Variants in SLIT3 observed in about 807,000 individuals in gnomAD.
The protein encoded by SLIT3 is slit guidance ligand 3, also known as slit homolog 3 protein.
SLIT3 carries 68 observed loss-of-function variants against 184.0 expected under a neutral mutation model. The observed-to-expected ratio is 0.37, with a 90% CI of 0.30 to 0.45. SLIT3 has a LOEUF of 0.45. Among genes scored for constraint, SLIT3 ranks in the 20% least tolerant of loss-of-function variants. The pLI is 1.00. For missense variants in SLIT3, 1,707 were observed against 2,026.0 expected (o/e 0.84, Z 3.02); for synonymous variants, 831 against 828.6 (o/e 1.00, Z -0.05).
chr5:169,163,307 C>G (rs1365619160), intron 4 of SLIT3, among the ~76,000 whole-genome samples: 1 of 151,418 alleles, frequency 6.6e-6, no homozygotes, highest in Non-Finnish European at 1.5e-5. Flanking sequence ...GGCCACCGTG[C>G]GAGGAAAAAA....
intron 1 of SLIT3, among the ~76,000 whole-genome samples, chr5:169,253,175 C>T (rs1765835013): frequency 6.6e-6 from 1 of 152,016 alleles, no homozygotes; most frequent in Admixed American, 6.6e-5. Context: ...AATCTGTACA[C>T]ACTCCAAAGC....
chr5:168,834,612 G>T (rs1393608679), intron 6 of SLIT3, among the ~76,000 whole-genome samples: 1 of 149,078 alleles, frequency 6.7e-6, no homozygotes, highest in African/African-American at 2.5e-5. Context: ...AGGTGAGCCT[G>T]GGAGGTGGAG....
At chr5:169,198,672 G>A (rs1255050502) in intron 3 of SLIT3, among the ~76,000 whole-genome samples, 1 of 152,148 alleles carries the variant, frequency 6.6e-6, no homozygotes, top group Non-Finnish European at 1.5e-5. Context: ...GGTGGCTCAT[G>A]CCTGTAATCC....
chr5:169,247,447 A>G (rs1437048902), intron 2 of SLIT3, among the ~76,000 whole-genome samples: 2 of 152,056 alleles, frequency 1.3e-5, no homozygotes, highest in Non-Finnish European at 2.9e-5. Flanking sequence ...ACAAGGACCA[A>G]CTCTAGGGTA....
At chr5:169,178,923 G>T (rs1395830947) in intron 4 of SLIT3, among the ~76,000 whole-genome samples, 1 of 152,110 alleles carries the variant, frequency 6.6e-6, no homozygotes, top group Non-Finnish European at 1.5e-5. Context: ...CACATTCTTC[G>T]GTGCAATGTG....
intron 4 of SLIT3, among the ~76,000 whole-genome samples, chr5:169,077,616 A>G (rs1044305457): frequency 7.2e-5 from 11 of 152,336 alleles, no homozygotes; most frequent in Admixed American, 4.6e-4. Context: ...GTTATCAGTA[A>G]GGCTTCTGAT....
intron 5 of SLIT3, among the ~76,000 whole-genome samples, chr5:168,880,934 C>A (rs577431353): frequency 1.5e-4 from 23 of 152,250 alleles, no homozygotes; most frequent in Admixed American, 3.9e-4. Context: ...GATTCTTGTC[C>A]CCAGTTACAC....
chr5:169,131,533 GTTTC>G (rs1293879457), intron 4 of SLIT3, among the ~76,000 whole-genome samples: 2 of 152,314 alleles, frequency 1.3e-5, no homozygotes, highest in Middle Eastern at 3.4e-3. Flanking sequence ...CTCTGAATTA[GTTTC>G]TTTATCTTTT....
At chr5:168,993,146 GT>G (rs1755390175) in intron 4 of SLIT3, 1 of 152,166 alleles carries the variant, frequency 6.6e-6, no homozygotes, top group Non-Finnish European at 1.5e-5. Flanking sequence ...ACATTTAGAG[GT>G]GTGTCTTCCT....
At chr5:169,044,727 G>C (rs905524971) in intron 4 of SLIT3, among the ~76,000 whole-genome samples, 12 of 151,998 alleles carry the variant, frequency 7.9e-5, no homozygotes, top group African/African-American at 2.7e-4. Flanking sequence ...AATTTAAGAT[G>C]GTGAATCTTA....
At chr5:169,099,298 G>C (rs576254775) in intron 4 of SLIT3, among the ~76,000 whole-genome samples, 1 of 152,188 alleles carries the variant, frequency 6.6e-6, no homozygotes, top group Admixed American at 6.5e-5. Flanking sequence ...ATACAAACCT[G>C]GCAGGATGGT....
chr5:169,145,188 C>T (rs1761885641), intron 4 of SLIT3, among the ~76,000 whole-genome samples: 1 of 152,164 alleles, frequency 6.6e-6, no homozygotes, highest in African/African-American at 2.4e-5. Flanking sequence ...CCTCCTTAGA[C>T]CTGACCAGAA....
chr5:168,720,833 C>G (rs180734227), intron 23 of SLIT3: 1 of 152,150 alleles, frequency 6.6e-6, no homozygotes, highest in Non-Finnish European at 1.5e-5. Context: ...TCACTGACAC[C>G]GGTGTTTTGT....
intron 4 of SLIT3, among the ~76,000 whole-genome samples, chr5:169,067,535 T>C (rs991627676): frequency 1.3e-5 from 2 of 152,274 alleles, no homozygotes; most frequent in Non-Finnish European, 2.9e-5. Flanking sequence ...AAGTGGATGC[T>C]GCAAGTTTGA....
At chr5:168,668,933 T>A (rs369308429) in intron 35 of SLIT3, among the ~76,000 whole-genome samples, 1 of 152,362 alleles carries the variant, frequency 6.6e-6, no homozygotes, top group East Asian at 1.9e-4. Flanking sequence ...GATGCCCAGC[T>A]AATTTTTGTA....
chr5:169,004,623 T>C (rs902275330), intron 4 of SLIT3, among the ~76,000 whole-genome samples: 2 of 152,124 alleles, frequency 1.3e-5, no homozygotes, highest in Non-Finnish European at 2.9e-5. Context: ...AGGTAACCCC[T>C]CTGCTATGAA....
rs568502717 is a variant in SLIT3 at position 168,878,275 on chromosome 5, T to C, written c.485+4990A>G. On this transcript the variant is annotated intron_variant, in intron 5 of 35. Coordinates refer to ENST00000519560, the MANE Select transcript of SLIT3 (RefSeq NM_003062.4). The stretch of plus-strand genomic sequence containing the variant: ...AGAGTGGCATCCCCAGATAATTACG[T>C]TCTCTCTCTTCTCTGGAGAAGCAGG... Among the ~76,000 whole-genome samples the C allele has an allele frequency of 7.9e-5, 12 of 152,310 alleles. 1 individual carries two copies. Among genetic ancestry groups the C allele is most frequent in the Admixed American group, 2.0e-4 (3 of 15,300 alleles).
At chr5:168,878,997 G>A (rs1185062534) in intron 5 of SLIT3, among the ~76,000 whole-genome samples, 1 of 152,200 alleles carries the variant, frequency 6.6e-6, no homozygotes, top group Non-Finnish European at 1.5e-5. Flanking sequence ...TTACAGGCAT[G>A]AGCCACCACA....
Position 168,801,149 on chromosome 5 carries a change from TCTC to T in SLIT3, c.935+5294_935+5296del, listed in dbSNP as rs536103820. Among the ~76,000 whole-genome samples, 13 of 152,182 alleles carry T rather than the reference TCTC, an allele frequency of 8.5e-5. No individual in the cohort carries two copies. The South Asian group carries it at 2.7e-3, about 32-fold the overall frequency. On this transcript the variant is annotated intron_variant, in intron 9 of 35. Coordinates refer to ENST00000519560, the MANE Select transcript of SLIT3 (RefSeq NM_003062.4). ...TCCCAGTCACTCTGTCTGATCAGCT[TCTC>T]CTTCGTACCACCTGCTCCCATCCCA...
Sources: allele counts gnomAD v4.1 joint callset (sites outside exome capture counted in the v4.1 genomes callset), GRCh38; gene constraint gnomAD v4.1.1; transcripts MANE v1.5; gene names NCBI Gene and HGNC (gene_info 2026-07-23, HGNC 2026-07-21).